UBE2E2: variants seen among roughly 807,000 people sequenced by gnomAD.
UBE2E2 encodes ubiquitin-conjugating enzyme E2 E2.
UBE2E2 carries 6 observed loss-of-function variants against 24.7 expected under a neutral mutation model. That is an observed-to-expected ratio of 0.24 (90% CI 0.13 to 0.48). The LOEUF (loss-of-function observed/expected upper bound fraction) is 0.48, where lower values mean the gene tolerates loss of function less well. Among genes scored for constraint, UBE2E2 ranks in the 20% least tolerant of loss-of-function variants. The pLI, the probability that UBE2E2 is intolerant of heterozygous loss-of-function variation, is 0.99. For missense variants in UBE2E2, 169 were observed against 245.0 expected (o/e 0.69, Z 2.07); for synonymous variants, 104 against 83.6 (o/e 1.24, Z -1.33).
chr3:23,576,201 C>A (rs1218587896), intron 5 of UBE2E2, among the ~76,000 whole-genome samples: 1 of 151,880 alleles, frequency 6.6e-6, no homozygotes, highest in Non-Finnish European at 1.5e-5. Flanking sequence ...CTAGGCTAGA[C>A]CAAACCATGG....
Position 23,322,765 on chromosome 3 carries a change from T to C in UBE2E2, c.227+105453T>C, listed in dbSNP as rs919535963. Among the ~76,000 whole-genome samples the C allele has an allele frequency of 3.1e-4, 47 of 152,124 alleles. 1 individual carries two copies. The highest frequency in any genetic ancestry group is 1.1e-3 in the African/African-American group (46 of 41,558). On this transcript the variant is annotated intron_variant, in intron 3 of 5. Transcript: ENST00000396703. ...ATACTTCCAAAAATCCCTGAAGCAG[T>C]GCGTAGTATTTTTTCAGAAAGCTTT...
At chr3:23,221,579 A>T (rs899353946) in intron 3 of UBE2E2, among the ~76,000 whole-genome samples, 3 of 151,548 alleles carry the variant, frequency 2.0e-5, no homozygotes, top group Non-Finnish European at 2.9e-5. Context: ...GGCTTTTAAA[A>T]TTTTTTTTAC....
chr3:23,497,817 G>C (rs1373014296), intron 3 of UBE2E2, among the ~76,000 whole-genome samples: 1 of 152,056 alleles, frequency 6.6e-6, no homozygotes, highest in Non-Finnish European at 1.5e-5. Context: ...CCCACGCAAT[G>C]CAGACCCTGT....
At chr3:23,308,237 A>G (rs1699286535) in intron 3 of UBE2E2, among the ~76,000 whole-genome samples, 1 of 152,240 alleles carries the variant, frequency 6.6e-6, no homozygotes, top group Admixed American at 6.5e-5. Flanking sequence ...AAATATGTGT[A>G]GTAACTAGAG....
At chr3:23,469,571 A>G (rs570730259) in intron 3 of UBE2E2, among the ~76,000 whole-genome samples, 2 of 152,318 alleles carry the variant, frequency 1.3e-5, no homozygotes, top group East Asian at 3.9e-4. Flanking sequence ...CCTATATTGC[A>G]TGCTTAAATG....
At chr3:23,428,110 A>G (rs1697970547) in intron 3 of UBE2E2, among the ~76,000 whole-genome samples, 1 of 152,224 alleles carries the variant, frequency 6.6e-6, no homozygotes, top group Non-Finnish European at 1.5e-5. Context: ...CCACCACCAC[A>G]AAGCACATTC....
intron 3 of UBE2E2, among the ~76,000 whole-genome samples, chr3:23,304,596 G>A (rs554061733): frequency 1.3e-4 from 20 of 152,202 alleles, no homozygotes; most frequent in African/African-American, 4.6e-4. Flanking sequence ...TATTTTACTT[G>A]AAGTATGTGA....
intron 3 of UBE2E2, among the ~76,000 whole-genome samples, chr3:23,276,253 G>C (rs1698373195): frequency 2.0e-5 from 3 of 151,478 alleles, no homozygotes; most frequent in African/African-American, 7.3e-5. Flanking sequence ...AAACTGATTA[G>C]AATTATAGTT....
chr3:23,424,948 C>T (rs145920318), intron 3 of UBE2E2, among the ~76,000 whole-genome samples: 1 of 152,096 alleles, frequency 6.6e-6, no homozygotes, highest in Non-Finnish European at 1.5e-5. Flanking sequence ...ATTGTTTCAT[C>T]CTTTTCTACT....
chr3:23,584,736 T>G (rs942497797), intron 5 of UBE2E2, among the ~76,000 whole-genome samples: 8 of 146,420 alleles, frequency 5.5e-5, no homozygotes, highest in South Asian at 2.2e-4. Flanking sequence ...GTTTTTTTTT[T>G]TTTTTTTTTT....
chr3:23,293,288 T>G (rs535444750), intron 3 of UBE2E2, among the ~76,000 whole-genome samples: 13 of 152,348 alleles, frequency 8.5e-5, no homozygotes, highest in East Asian at 5.8e-4. Context: ...TCCCAGGTGA[T>G]TCTTACATTT....
In UBE2E2 at chr3:23,577,930, A is replaced by T. The variant is rs553306048; in HGVS notation, c.509-11804A>T. Among the ~76,000 whole-genome samples the T allele has an allele frequency of 4.6e-5, 7 of 152,094 alleles. No homozygotes were observed. The East Asian group carries it at 1.4e-3, about 29-fold the overall frequency. ...CTGCCTGTGCTCTCTGAGTGGAAGA[A>T]CAAAGCCTGGATGACAGCACATCTT... On this transcript the variant is annotated intron_variant, in intron 5 of 5. Transcript: ENST00000396703.
chr3:23,297,200 T>C (rs1360754943), intron 3 of UBE2E2, among the ~76,000 whole-genome samples: 5 of 152,172 alleles, frequency 3.3e-5, no homozygotes, highest in Non-Finnish European at 4.4e-5. Flanking sequence ...TTGTAGATTC[T>C]GGATATTAGC....
intron 3 of UBE2E2, among the ~76,000 whole-genome samples, chr3:23,235,975 T>G (rs1013530655): frequency 6.6e-6 from 1 of 152,082 alleles, no homozygotes; most frequent in Non-Finnish European, 1.5e-5. Context: ...CAAAGAAATA[T>G]TTAAATCTGT....
At chr3:23,550,158 T>C (rs1316594543) in intron 5 of UBE2E2, among the ~76,000 whole-genome samples, 1 of 152,174 alleles carries the variant, frequency 6.6e-6, no homozygotes, top group Non-Finnish European at 1.5e-5. Context: ...GTAGGAAGAA[T>C]GAATTATAAC....
At chr3:23,210,318 G>T (rs911259485) in intron 2 of UBE2E2, among the ~76,000 whole-genome samples, 8 of 152,190 alleles carry the variant, frequency 5.3e-5, no homozygotes, top group African/African-American at 1.9e-4. Flanking sequence ...GGCCAGGTCT[G>T]TGGGGAATAG....
intron 3 of UBE2E2, among the ~76,000 whole-genome samples, chr3:23,426,260 A>G (rs768242477): frequency 2.6e-4 from 40 of 152,178 alleles, no homozygotes; most frequent in Admixed American, 5.2e-4. Context: ...TGGAACAACA[A>G]TAGGTGTATC....
intron 5 of UBE2E2, among the ~76,000 whole-genome samples, chr3:23,582,417 C>T (rs941824131): frequency 1.3e-5 from 2 of 152,104 alleles, no homozygotes; most frequent in Admixed American, 1.3e-4. Context: ...GGATATACCC[C>T]GTAATGGGAT....
In UBE2E2 at chr3:23,571,478, C is replaced by G. The variant is rs566731911; in HGVS notation, c.509-18256C>G. Among the ~76,000 whole-genome samples the G allele has an allele frequency of 4.9e-3, 735 of 151,260 alleles. 3 individuals are homozygous for G. Among genetic ancestry groups the G allele is most frequent in the Non-Finnish European group, 8.0e-3 (540 of 67,722 alleles). ...CTAATTTTTGTATTTTTAGTAGGGA[C>G]AGGGTTTCACCATGTTGGTCAGACT... is the stretch of plus-strand genomic sequence containing the variant. On this transcript the variant is annotated intron_variant, in intron 5 of 5. Coordinates refer to ENST00000396703, the MANE Select transcript of UBE2E2 (RefSeq NM_152653.4).
Sources: gnomAD v4.1 joint callset for allele counts (sites outside exome capture counted in the v4.1 genomes callset) on GRCh38, gnomAD v4.1.1 for gene constraint, MANE v1.5 for transcripts, NCBI Gene and HGNC (gene_info 2026-07-23, HGNC 2026-07-21) for gene names.